The following AASDHPPT variants were observed in gnomAD, a reference collection of about 807,000 sequenced individuals.
AASDHPPT encodes L-aminoadipate-semialdehyde dehydrogenase-phosphopantetheinyl transferase.
Under a neutral mutation model 36.4 loss-of-function variants are expected in AASDHPPT, and 23 were observed. That is an observed-to-expected ratio of 0.63 (90% CI 0.45 to 0.89). AASDHPPT has a LOEUF of 0.89. Ranked by LOEUF, AASDHPPT falls within the 40% of genes least tolerant of loss-of-function variation. AASDHPPT has a pLI of 0.00. For synonymous variants in AASDHPPT, 115 were observed against 128.0 expected (o/e 0.90, Z 0.68); for missense variants, 377 against 378.2 (o/e 1.00, Z 0.03).
chr11:106,079,332 G>T, intron 1 of AASDHPPT, 135 bp from the exon 2 acceptor site: 1 of 685,834 alleles, frequency 1.5e-6, no homozygotes, highest in East Asian at 2.9e-5. Context: ...TAATTAACGT[G>T]TGTTTAATAC....
intron 2 of AASDHPPT, among the ~76,000 whole-genome samples, chr11:106,083,451 G>A (rs1283913564): frequency 6.6e-6 from 1 of 152,116 alleles, no homozygotes; most frequent in African/African-American, 2.4e-5. Flanking sequence ...AAAAGAATTT[G>A]CAGATACCAA....
rs1183682655 is a variant in AASDHPPT at position 106,097,363 on chromosome 11, A to G, written c.*456A>G. On this transcript the variant is annotated 3_prime_UTR_variant, in exon 6 of 6. Transcript: ENST00000278618. ...TTTAACTGCACATCTACTGTTCATAAATATACCTCTGTAACATAACTTTTT... is the reference window on the plus strand; with the variant it reads ...TTTAACTGCACATCTACTGTTCATAGATATACCTCTGTAACATAACTTTTT... 2 of 159,068 alleles carry G rather than the reference A, an allele frequency of 1.3e-5. No individual in the cohort carries two copies. The highest frequency in any genetic ancestry group is 2.7e-5 in the Non-Finnish European group (2 of 73,138). The allele number at this position is 159,068 out of a possible 1,614,324, so 9.9% of individuals were successfully genotyped here. A position where few individuals can be genotyped will look rare whatever the true frequency, so the allele number is the denominator to read the frequency against.
intron 4 of AASDHPPT, chr11:106,092,232 A>T (rs1861262932): frequency 6.6e-6 from 1 of 152,194 alleles, no homozygotes; most frequent in African/African-American, 2.4e-5. Flanking sequence ...AAAATCCTAG[A>T]GAAGGGATGC....
At chr11:106,093,000 G>A (rs1439110769) in intron 4 of AASDHPPT, 1 of 152,056 alleles carries the variant, frequency 6.6e-6, no homozygotes, top group African/African-American at 2.4e-5. Context: ...CGTGAGTCGT[G>A]GAGCATCTAT....
At position 106,091,917 on chromosome 11, in the gene AASDHPPT, C is replaced by T. The variant is rs375197535; in HGVS notation, c.693+440C>T. On this transcript the variant is annotated intron_variant, in intron 4 of 5. Coordinates refer to ENST00000278618, the MANE Select transcript of AASDHPPT (RefSeq NM_015423.3). ...AAGCCAACACACACAGCCAAAAAAC[C>T]CCCCAAAACAGTATTATAGGTTACT... The T allele has an allele frequency of 3.3e-5, 5 of 153,156 alleles. 1 individual carries two copies. Among genetic ancestry groups the T allele is most frequent in the East Asian group, 1.9e-4 (1 of 5,200 alleles). 9.5% of individuals were successfully genotyped at this position (153,156 alleles called of 1,614,324 possible).
intron 2 of AASDHPPT, among the ~76,000 whole-genome samples, chr11:106,083,967 A>G (rs1861170504): frequency 6.6e-6 from 1 of 152,166 alleles, no homozygotes; most frequent in African/African-American, 2.4e-5. Flanking sequence ...TAGAATAAGG[A>G]AAATTCTTAT....
At chr11:106,081,794 T>G in intron 2 of AASDHPPT, among the ~76,000 whole-genome samples, 2 of 149,502 alleles carry the variant, frequency 1.3e-5, no homozygotes, top group African/African-American at 2.5e-5. Context: ...CACTCATAGA[T>G]GGGAATTGAA....
intron 4 of AASDHPPT, chr11:106,092,963 A>G (rs1316657248): frequency 6.6e-6 from 1 of 152,214 alleles, no homozygotes; most frequent in Non-Finnish European, 1.5e-5. Context: ...ATTTTCTTAC[A>G]GTGAGTTTAT....
At position 106,086,111 on chromosome 11, in the gene AASDHPPT, A is replaced by T. The variant is rs981980652; in HGVS notation, c.410-4446A>T. ...TTTAAATTGTATCCATGTGTATATT[A>T]GTTTCTTCAGGCTGCTTAACAAAGT... On this transcript the variant is annotated intron_variant, in intron 2 of 5. Coordinates refer to ENST00000278618, the MANE Select transcript of AASDHPPT (RefSeq NM_015423.3). The T allele has an allele frequency of 8.5e-5, 13 of 152,208 alleles. No homozygotes were observed. The East Asian group carries it at 2.3e-3, about 27-fold the overall frequency. The allele number at this position is 152,208 out of a possible 1,614,324, so 9.4% of individuals were successfully genotyped here.
At chr11:106,079,347 G>C (rs1861105444) in intron 1 of AASDHPPT, 120 bp from the exon 2 acceptor site, 5 of 804,832 alleles carry the variant, frequency 6.2e-6, no homozygotes, top group Non-Finnish European at 9.6e-6. Context: ...TAATACTTAA[G>C]TATTTTGAAA....
At chr11:106,089,617 AT>A (rs1269779396) in intron 2 of AASDHPPT, 2 of 152,020 alleles carry the variant, frequency 1.3e-5, no homozygotes, top group African/African-American at 4.8e-5. Context: ...TTGAATATGT[AT>A]TTGTGTAAAT....
chr11:106,084,431 C>A (rs774035222), intron 2 of AASDHPPT, among the ~76,000 whole-genome samples: 4 of 151,888 alleles, frequency 2.6e-5, no homozygotes, highest in Non-Finnish European at 5.9e-5. Flanking sequence ...TTAGTTAGGT[C>A]TATATGAACC....
intron 2 of AASDHPPT, among the ~76,000 whole-genome samples, chr11:106,087,743 ATTAG>A (rs1265671515): frequency 6.6e-6 from 1 of 152,234 alleles, no homozygotes; most frequent in South Asian, 2.1e-4. Flanking sequence ...GGTGGTCTTG[ATTAG>A]TTAATCATTC....
In AASDHPPT at chr11:106,097,031, T is replaced by C; in HGVS notation, c.*124T>C. The stretch of plus-strand genomic sequence containing the variant: ...AGTTTTTTTAAAGAACAGAAACTTT[T>C]CCAATTAAAAAAAAAAAGCAGACTT... On this transcript the variant is annotated 3_prime_UTR_variant, in exon 6 of 6. Coordinates refer to ENST00000278618, the MANE Select transcript of AASDHPPT (RefSeq NM_015423.3). The C allele has an allele frequency of 9.8e-7, 1 of 1,024,202 alleles. No individual in the cohort carries two copies. The highest frequency in any genetic ancestry group is 1.4e-6 in the Non-Finnish European group (1 of 736,970). The allele number at this position is 1,024,202 out of a possible 1,614,324, so 63.4% of individuals were successfully genotyped here.
chr11:106,094,899 G>A (rs1861297583), intron 5 of AASDHPPT, among the ~76,000 whole-genome samples: 1 of 152,144 alleles, frequency 6.6e-6, no homozygotes, highest in African/African-American at 2.4e-5. Flanking sequence ...GCTGAGGCAG[G>A]CGGATCACCT....
At chr11:106,079,826 A>G (rs1861115472) in intron 2 of AASDHPPT, 134 bp downstream of exon 2, 1 of 691,602 alleles carries the variant, frequency 1.4e-6, no homozygotes, top group Non-Finnish European at 2.4e-6. Context: ...ACACAAAGGT[A>G]ATGGAGAGCA....
chr11:106,077,702 T>C lies in AASDHPPT; in HGVS notation c.-9T>C. On this transcript the variant is annotated 5_prime_UTR_variant, in exon 1 of 6. Coordinates refer to ENST00000278618, the MANE Select transcript of AASDHPPT (RefSeq NM_015423.3). The stretch of plus-strand genomic sequence containing the variant: ...GGCCCGAGATAGCGGCGAGGTCCGC[T>C]TTCAGTGTATGGTTTTCCCTGCCAA... 1.2e-6 allele frequency: 2 copies of C among 1,608,444 alleles called. No homozygotes were observed. The highest frequency in any genetic ancestry group is 1.7e-6 in the Non-Finnish European group (2 of 1,175,600).
chr11:106,093,033 G>A (rs1449243389), intron 4 of AASDHPPT: 1 of 152,150 alleles, frequency 6.6e-6, no homozygotes, highest in Non-Finnish European at 1.5e-5. Flanking sequence ...AGGTGAATTT[G>A]TGGAGGGGAC....
In AASDHPPT at chr11:106,096,976, C is replaced by G; in HGVS notation, c.*69C>G. ...TTCCGTATTCACTGAAAAATAAATG[C>G]TTGTTTAGTATCAAATTTTATTTCA... On this transcript the variant is annotated 3_prime_UTR_variant, in exon 6 of 6. Coordinates refer to ENST00000278618, the MANE Select transcript of AASDHPPT (RefSeq NM_015423.3). 7.2e-7 allele frequency: 1 copy of G among 1,394,914 alleles called. No homozygotes were observed. Among genetic ancestry groups the G allele is most frequent in the African/African-American group, 1.5e-5 (1 of 65,836 alleles). The allele number at this position is 1,394,914 out of a possible 1,614,324, so 86.4% of individuals were successfully genotyped here. A position where few individuals can be genotyped will look rare whatever the true frequency, so the allele number is the denominator to read the frequency against.
Sources: allele counts gnomAD v4.1 joint callset (sites outside exome capture counted in the v4.1 genomes callset), GRCh38; gene constraint gnomAD v4.1.1; transcripts MANE v1.5; gene names NCBI Gene and HGNC (gene_info 2026-07-23, HGNC 2026-07-21).